The following SLC35F3 variants were observed in gnomAD, a reference collection of about 807,000 sequenced individuals.
SLC35F3 encodes putative thiamine transporter SLC35F3.
SLC35F3 carries 25 observed loss-of-function variants against 49.9 expected under a neutral mutation model. The ratio of observed to expected loss-of-function variants is 0.50; its 90% CI spans 0.37 to 0.70. The LOEUF (loss-of-function observed/expected upper bound fraction) is 0.70. Among genes scored for constraint, SLC35F3 ranks in the 30% least tolerant of loss-of-function variants. SLC35F3 has a pLI of 0.00. For missense variants in SLC35F3, 525 were observed against 639.8 expected, an observed-to-expected ratio of 0.82 and a Z score of 1.94; for synonymous variants, 275 against 265.4, an observed-to-expected ratio of 1.04 and a Z score of -0.35.
rs1664300430 is a variant in SLC35F3, at chr1:234,046,971, T to G, written c.283+141213T>G. On this transcript the variant is annotated intron_variant, in intron 2 of 7. Coordinates refer to ENST00000366618, the MANE Select transcript of SLC35F3 (RefSeq NM_173508.4). The surrounding 1 kb of genome is among the most constrained non-coding windows in gnomAD (Gnocchi z 4.4). ...CTCTAGCTGTACTATAAGTCTCACT[T>G]CCTAACAGGTCAAATCCTCTATTTG... 6.6e-6 allele frequency among the ~76,000 whole-genome samples: 1 copy of G among 152,212 alleles called. No homozygotes were observed. The highest frequency in any genetic ancestry group is 2.4e-5 in the African/African-American group (1 of 41,454).
At chr1:234,299,491 C>T (rs1009228753) in intron 3 of SLC35F3, among the ~76,000 whole-genome samples, 4 of 152,082 alleles carry the variant, frequency 2.6e-5, no homozygotes, top group African/African-American at 9.7e-5. Flanking sequence ...ATTTTCTTTA[C>T]ACAGCCTGTC....
intron 3 of SLC35F3, among the ~76,000 whole-genome samples, chr1:234,276,121 A>G (rs1026207481): frequency 2.6e-5 from 4 of 152,196 alleles, no homozygotes; most frequent in African/African-American, 9.6e-5. Flanking sequence ...TCAGCATTTT[A>G]TCACCCCTTT....
chr1:234,165,038 TTGTGTGTGTGTGTGTGTGTG>T (rs58676109), intron 2 of SLC35F3, among the ~76,000 whole-genome samples: 4 of 137,804 alleles, frequency 2.9e-5, no homozygotes, highest in African/African-American at 5.5e-5. Context: ...TAGCTTCAAT[TTGTGTGTGTGTGTGTGTGTG>T]TGTGTGTGTG....
Position 233,905,570 on chromosome 1 carries a change from C to T in SLC35F3, c.95C>T (p.Ser32Phe). 6.2e-7 allele frequency: 1 copy of T among 1,614,118 alleles called. No individual in the cohort carries two copies. Among genetic ancestry groups the T allele is most frequent in the South Asian group, 1.1e-5 (1 of 91,090 alleles). Residue 32 changes from serine (S) to phenylalanine (F), a missense_variant, in exon 2 of 8, where the codon TCC becomes TTC. Coordinates refer to ENST00000366618, the MANE Select transcript of SLC35F3 (RefSeq NM_173508.4). ...RSPDVSPRRL[S>F]DISPQLRQLK... ...CCGGACGTCAGCCCCCGGAGACTGTCCGACATCAGCCCCCAGCTCCGGCAG... is the reference window on the plus strand; with the variant it reads ...CCGGACGTCAGCCCCCGGAGACTGTTCGACATCAGCCCCCAGCTCCGGCAG...
At chr1:234,126,931 A>G (rs1462525259) in intron 2 of SLC35F3, among the ~76,000 whole-genome samples, 2 of 152,182 alleles carry the variant, frequency 1.3e-5, no homozygotes, top group Non-Finnish European at 2.9e-5. Flanking sequence ...TCTTGACCTC[A>G]AGCAATCCTC....
rs750994340 is a variant in SLC35F3, at chr1:234,042,324, G to A, written c.283+136566G>A. Among the ~76,000 whole-genome samples the A allele has an allele frequency of 1.5e-4, 23 of 152,162 alleles. 1 individual carries two copies. The East Asian group carries it at 2.1e-3, about 14-fold the overall frequency. Reference sequence around the variant, plus strand: ...CATGATTAATACATTCTGATGATATGGTACCAATTTTATATTATTCAGTAA... The same window carrying A: ...CATGATTAATACATTCTGATGATATAGTACCAATTTTATATTATTCAGTAA... On this transcript the variant is annotated intron_variant, in intron 2 of 7. Transcript: ENST00000366618.
At chr1:233,961,156 G>A (rs964375430) in intron 2 of SLC35F3, among the ~76,000 whole-genome samples, 4 of 152,140 alleles carry the variant, frequency 2.6e-5, no homozygotes, top group Admixed American at 6.5e-5. Context: ...TTGCCTTAGC[G>A]ATGGATGAAA....
At chr1:234,219,892 C>T (rs1446775782) in intron 2 of SLC35F3, among the ~76,000 whole-genome samples, 2 of 152,164 alleles carry the variant, frequency 1.3e-5, no homozygotes, top group African/African-American at 4.8e-5. Flanking sequence ...GAGGTGAGAA[C>T]ACAGCATTTC....
At chr1:234,070,898 T>C (rs1664703811) in intron 2 of SLC35F3, among the ~76,000 whole-genome samples, 1 of 152,216 alleles carries the variant, frequency 6.6e-6, no homozygotes, top group African/African-American at 2.4e-5. Context: ...AGAGTTACAA[T>C]TGGAGACTGT....
chr1:234,254,228 G>GTATC (rs1157956358), intron 3 of SLC35F3, among the ~76,000 whole-genome samples: 67 of 152,190 alleles, frequency 4.4e-4, no homozygotes, highest in African/African-American at 1.5e-3. Flanking sequence ...CTATGCACTG[G>GTATC]CTTTCTATAT....
At chr1:234,306,162 T>C (rs1356505884) in intron 3 of SLC35F3, among the ~76,000 whole-genome samples, 3 of 152,178 alleles carry the variant, frequency 2.0e-5, no homozygotes, top group Non-Finnish European at 4.4e-5. Context: ...TGGGTTTTTT[T>C]GTTTGTTTGT....
chr1:234,308,366 C>G (rs1034145612), intron 3 of SLC35F3, among the ~76,000 whole-genome samples: 1 of 152,198 alleles, frequency 6.6e-6, no homozygotes, highest in African/African-American at 2.4e-5. Context: ...GTCCAACCCC[C>G]GTCCCACAGG....
At chr1:233,990,463 G>C (rs1663335187) in intron 2 of SLC35F3, among the ~76,000 whole-genome samples, 1 of 152,108 alleles carries the variant, frequency 6.6e-6, no homozygotes, top group South Asian at 2.1e-4. Flanking sequence ...TATTCAGGGG[G>C]TGGAAAAAAT....
intron 3 of SLC35F3, among the ~76,000 whole-genome samples, chr1:234,248,997 T>C (rs1424223656): frequency 6.6e-6 from 1 of 152,180 alleles, no homozygotes; most frequent in Non-Finnish European, 1.5e-5. Flanking sequence ...AGGGAGTAGA[T>C]TTTGCAGGTG....
At chr1:234,319,030 C>A in intron 6 of SLC35F3, 87 bp downstream of exon 6, 1 of 1,118,032 alleles carries the variant, frequency 8.9e-7, no homozygotes, top group Non-Finnish European at 1.3e-6. Flanking sequence ...AGGCAGAAAA[C>A]AGTGCTCTTT....
intron 2 of SLC35F3, among the ~76,000 whole-genome samples, chr1:233,968,784 C>G (rs1446378459): frequency 6.6e-6 from 1 of 152,164 alleles, no homozygotes; most frequent in Non-Finnish European, 1.5e-5. Flanking sequence ...TGCACCCAGC[C>G]AATAGGTAGT....
intron 2 of SLC35F3, among the ~76,000 whole-genome samples, chr1:234,015,436 G>A (rs1157401104): frequency 6.6e-6 from 1 of 151,470 alleles, no homozygotes; most frequent in Non-Finnish European, 1.5e-5. Context: ...TATTAGAACA[G>A]TGTGATACTG....
At chr1:233,918,782 C>T (rs912238365) in intron 2 of SLC35F3, among the ~76,000 whole-genome samples, 23 of 64,876 alleles carry the variant, frequency 3.5e-4, no homozygotes, top group Admixed American at 6.2e-4. Flanking sequence ...CTCTCTTTCT[C>T]TCTCTCTCTC....
chr1:234,238,795 T>C lies in SLC35F3; in HGVS notation c.608+7054T>C, dbSNP rs181760163. On this transcript the variant is annotated intron_variant, in intron 3 of 7. Transcript: ENST00000366618. Reference sequence around the variant, plus strand: ...CTCTTGATCTCCTTTTTTTCTATACTTCAGCCATCCCACATCCCAATTATC... The same window carrying C: ...CTCTTGATCTCCTTTTTTTCTATACCTCAGCCATCCCACATCCCAATTATC... 4.1e-4 allele frequency among the ~76,000 whole-genome samples: 62 copies of C among 152,344 alleles called. 1 individual carries two copies. The highest frequency in any genetic ancestry group is 1.3e-3 in the African/African-American group (56 of 41,574).
Sources: allele counts gnomAD v4.1 joint callset (sites outside exome capture counted in the v4.1 genomes callset), GRCh38; gene constraint gnomAD v4.1.1; non-coding constraint Gnocchi (gnomAD v3.1); transcripts MANE v1.5; gene names NCBI Gene and HGNC (gene_info 2026-07-23, HGNC 2026-07-21).